RALYL: variants seen among roughly 807,000 people sequenced by gnomAD.
The protein encoded by RALYL is RNA-binding Raly-like protein.
In RALYL, 29 loss-of-function variants were observed where a neutral mutation model predicts 35.1. That is an observed-to-expected ratio of 0.83 (90% CI 0.61 to 1.13). The LOEUF (loss-of-function observed/expected upper bound fraction) is 1.13. Ranked by LOEUF, RALYL falls within the 50% of genes most tolerant of loss-of-function variation. The pLI is 0.00. For synonymous variants in RALYL, 120 were observed against 127.6 expected, an observed-to-expected ratio of 0.94 and a Z score of 0.40; for missense variants, 359 against 360.4, an observed-to-expected ratio of 1.00 and a Z score of 0.03.
chr8:84,534,541 A>C (rs533205027), intron 2 of RALYL, among the ~76,000 whole-genome samples: 1 of 152,230 alleles, frequency 6.6e-6, no homozygotes, highest in African/African-American at 2.4e-5. Context: ...AGCACCTAAC[A>C]AAATGCTAAC....
chr8:84,372,099 TA>T (rs1307898331), intron 1 of RALYL, among the ~76,000 whole-genome samples: 2 of 152,016 alleles, frequency 1.3e-5, no homozygotes, highest in African/African-American at 4.8e-5. Context: ...AAAACCATAC[TA>T]GGGGCTTCAA....
intron 4 of RALYL, among the ~76,000 whole-genome samples, chr8:84,829,708 T>C (rs1436424556): frequency 6.6e-6 from 1 of 152,140 alleles, no homozygotes; most frequent in Non-Finnish European, 1.5e-5. Flanking sequence ...TTGTGGAAGT[T>C]ATATTCTGTA....
chr8:84,478,984 G>T (rs2053750409), intron 1 of RALYL, among the ~76,000 whole-genome samples: 1 of 145,264 alleles, frequency 6.9e-6, no homozygotes, highest in Admixed American at 7.1e-5. Flanking sequence ...TACTCGGGAG[G>T]CTGAGGCAGG....
At chr8:84,476,433 A>G (rs1187441521) in intron 1 of RALYL, among the ~76,000 whole-genome samples, 1 of 152,182 alleles carries the variant, frequency 6.6e-6, no homozygotes, top group Non-Finnish European at 1.5e-5. Context: ...CATGCAAGGT[A>G]AAGTATTTTA....
At position 84,478,922 on chromosome 8, in the gene RALYL, T is replaced by TAAAAAAAAAAAAAAAAAAAAA. The variant is rs1587656659; in HGVS notation, c.-23-50372_-23-50371insAAAAAAAAAAAAAAAAAAAAA. Among the ~76,000 whole-genome samples the TAAAAAAAAAAAAAAAAAAAAA allele has an allele frequency of 2.0e-3, 169 of 85,184 alleles. 9 individuals are homozygous for TAAAAAAAAAAAAAAAAAAAAA. The highest frequency in any genetic ancestry group is 2.9e-3 in the Non-Finnish European group (109 of 37,360). 55.9% of individuals were successfully genotyped at this position (85,184 alleles called of 152,430 possible). ...TAACACCGTGAAACCCCGTCTCTACTAAAAATACAAAACATTAGCCGGGCA... is the reference window on the plus strand; with the variant it reads ...TAACACCGTGAAACCCCGTCTCTACTAAAAAAAAAAAAAAAAAAAAAAAAAATACAAAACATTAGCCGGGCA... On this transcript the variant is annotated intron_variant, in intron 1 of 8. Coordinates refer to ENST00000521268, the MANE Select transcript of RALYL (RefSeq NM_173848.7).
rs950079983 is a variant in RALYL, at chr8:84,357,587, G to A, written c.-23-171712G>A. Among the ~76,000 whole-genome samples the A allele has an allele frequency of 2.0e-5, 3 of 151,576 alleles. No homozygotes were observed. The East Asian group carries it at 5.8e-4, about 29-fold the overall frequency. ...GAATTAAGAAACAAGTTTTTAATCCGTCTTTTCAAGAATTTTAATGAAATA... is the reference window on the plus strand; with the variant it reads ...GAATTAAGAAACAAGTTTTTAATCCATCTTTTCAAGAATTTTAATGAAATA... On this transcript the variant is annotated intron_variant, in intron 1 of 8. Transcript: ENST00000521268.
rs558149232 is a variant in RALYL, at chr8:84,680,928, T to G, written c.257-93651T>G. ...TTTTAGACATGAAGTCCTTGCCCAT[T>G]CCTATGTCCTGAATGGTAATGCCTA... On this transcript the variant is annotated intron_variant, in intron 2 of 8. Transcript: ENST00000521268. 7.7e-3 allele frequency among the ~76,000 whole-genome samples: 1,173 copies of G among 151,518 alleles called. 13 individuals carry two copies. The highest frequency in any genetic ancestry group is 0.026 in the African/African-American group (1,083 of 40,888).
At chr8:84,377,331 A>C (rs1586708581) in intron 1 of RALYL, among the ~76,000 whole-genome samples, 1 of 151,674 alleles carries the variant, frequency 6.6e-6, no homozygotes, top group East Asian at 1.9e-4. Flanking sequence ...TGTGGGCTAA[A>C]CAAAAGAATC....
At chr8:84,665,826 A>G (rs1467299572) in intron 2 of RALYL, 2 of 152,034 alleles carry the variant, frequency 1.3e-5, no homozygotes, top group Non-Finnish European at 2.9e-5. Flanking sequence ...TCTTCTCTGT[A>G]TCACTTCAGT....
chr8:84,771,297 C>G (rs912782995), intron 2 of RALYL, among the ~76,000 whole-genome samples: 2 of 151,706 alleles, frequency 1.3e-5, no homozygotes, highest in African/African-American at 2.4e-5. Context: ...TTTGTTTATC[C>G]TATTAAAAAT....
chr8:84,250,755 A>G (rs1403165645), intron 1 of RALYL, among the ~76,000 whole-genome samples: 4 of 152,160 alleles, frequency 2.6e-5, no homozygotes, highest in African/African-American at 7.2e-5. Context: ...TCAGTCTATC[A>G]TGTACTTTCT....
intron 1 of RALYL, among the ~76,000 whole-genome samples, chr8:84,205,524 G>T (rs1431779821): frequency 6.6e-6 from 1 of 152,134 alleles, no homozygotes; most frequent in Non-Finnish European, 1.5e-5. Flanking sequence ...GAAAGCCACT[G>T]TAGCTATTTT....
chr8:84,410,445 C>T (rs1266336590), intron 1 of RALYL, among the ~76,000 whole-genome samples: 1 of 151,916 alleles, frequency 6.6e-6, no homozygotes, highest in African/African-American at 2.4e-5. Flanking sequence ...CAGAGTGTAT[C>T]TGTCATGTAT....
intron 1 of RALYL, among the ~76,000 whole-genome samples, chr8:84,463,855 T>C (rs2051137106): frequency 6.6e-6 from 1 of 152,070 alleles, no homozygotes; most frequent in African/African-American, 2.4e-5. Flanking sequence ...ACAATCATGG[T>C]GTAGAACAAT....
intron 1 of RALYL, among the ~76,000 whole-genome samples, chr8:84,235,767 C>CTTTTTTTTTTTTTTTTT (rs556495836): frequency 7.9e-6 from 1 of 126,934 alleles, no homozygotes; most frequent in Non-Finnish European, 1.6e-5. Flanking sequence ...TTTTCTTTTT[C>CTTTTTTTTTTTTTTTTT]TTTTTTTTTT....
chr8:84,237,314 G>C (rs1826809944), intron 1 of RALYL, among the ~76,000 whole-genome samples: 1 of 152,172 alleles, frequency 6.6e-6, no homozygotes, highest in Non-Finnish European at 1.5e-5. Context: ...TGGTGGATGA[G>C]ACCACTGTGT....
chr8:84,792,094 T>G (rs914419888), intron 3 of RALYL, among the ~76,000 whole-genome samples: 2 of 152,242 alleles, frequency 1.3e-5, no homozygotes, highest in Non-Finnish European at 2.9e-5. Context: ...AAAGCCCAAG[T>G]GGACATGTGT....
At chr8:84,333,887 TG>T (rs113558197) in intron 1 of RALYL, among the ~76,000 whole-genome samples, 4,075 of 152,192 alleles carry the variant, frequency 0.027, 99 homozygotes, top group Non-Finnish European at 0.031. Flanking sequence ...TATTTTAACT[TG>T]TTTTTTTCCC....
intron 1 of RALYL, among the ~76,000 whole-genome samples, chr8:84,358,997 A>G (rs1168745030): frequency 6.6e-6 from 1 of 152,118 alleles, no homozygotes; most frequent in African/African-American, 2.4e-5. Context: ...ATACTTAAAT[A>G]TAAATATGTA....
Sources: gnomAD v4.1 joint callset for allele counts (sites outside exome capture counted in the v4.1 genomes callset) on GRCh38, gnomAD v4.1.1 for gene constraint, MANE v1.5 for transcripts, NCBI Gene and HGNC (gene_info 2026-07-23, HGNC 2026-07-21) for gene names.